ATP10A: variants seen among roughly 807,000 people sequenced by gnomAD.
The protein encoded by ATP10A is phospholipid-transporting ATPase VA.
Under a neutral mutation model 147.8 loss-of-function variants are expected in ATP10A, and 111 were observed. That is an observed-to-expected ratio of 0.75 (90% CI 0.64 to 0.88). ATP10A has a LOEUF of 0.88. Ranked by LOEUF, ATP10A falls within the 40% of genes least tolerant of loss-of-function variation. ATP10A has a pLI of 0.00. For synonymous variants in ATP10A, 875 were observed against 841.6 expected, an observed-to-expected ratio of 1.04 and a Z score of -0.69; for missense variants, 1,927 against 1,959.0, an observed-to-expected ratio of 0.98 and a Z score of 0.31.
At chr15:25,807,508 GA>G (rs1891243632) in intron 1 of ATP10A, among the ~76,000 whole-genome samples, 1 of 152,168 alleles carries the variant, frequency 6.6e-6, no homozygotes, top group Non-Finnish European at 1.5e-5. Flanking sequence ...ATTTTTAAAA[GA>G]AAAACACATG....
chr15:25,798,862 G>A lies in ATP10A; in HGVS notation c.450-17639C>T, dbSNP rs932088679. On this transcript the variant is annotated intron_variant, in intron 1 of 20. Transcript: ENST00000555815. ...CTCGGGAGGGCACCGTGCGCCTCCC[G>A]CATCCACCAGCCCGGTACAGGGATC... Among the ~76,000 whole-genome samples the A allele has an allele frequency of 7.2e-5, 11 of 152,220 alleles. No individual in the cohort carries two copies. In the East Asian group the frequency reaches 1.9e-3, roughly 27 times the overall value.
intron 2 of ATP10A, among the ~76,000 whole-genome samples, chr15:25,756,862 G>A (rs1432770713): frequency 1.3e-5 from 2 of 152,202 alleles, no homozygotes; most frequent in Non-Finnish European, 2.9e-5. Flanking sequence ...TTGCTTAGGT[G>A]CTGACTAACA....
intron 1 of ATP10A, among the ~76,000 whole-genome samples, chr15:25,826,053 C>G (rs1325294650): frequency 1.3e-5 from 2 of 152,040 alleles, no homozygotes; most frequent in Non-Finnish European, 2.9e-5. Context: ...TTGAAGATCT[C>G]AACAGCAGAT....
chr15:25,733,609 C>T lies in ATP10A; in HGVS notation c.740+2447G>A, dbSNP rs1005808892. On this transcript the variant is annotated intron_variant, in intron 3 of 20. Transcript: ENST00000555815. The stretch of plus-strand genomic sequence containing the variant: ...GGCTGGGAGAGGGGCCATCCAGGCC[C>T]TGACAGCCCTGTGGCAAGCCCAGAA... 2.6e-5 allele frequency among the ~76,000 whole-genome samples: 4 copies of T among 152,358 alleles called. No homozygotes were observed. The East Asian group carries it at 7.7e-4, about 30-fold the overall frequency.
chr15:25,857,661 G>C (rs35979841), intron 1 of ATP10A, among the ~76,000 whole-genome samples: 21,552 of 152,096 alleles, frequency 0.14, 1,589 homozygotes, highest in Middle Eastern at 0.18. Flanking sequence ...CTGGACAATG[G>C]TACATGGCAG....
intron 1 of ATP10A, among the ~76,000 whole-genome samples, chr15:25,785,848 C>G (rs374307010): frequency 6.6e-6 from 1 of 152,190 alleles, no homozygotes; most frequent in Non-Finnish European, 1.5e-5. Flanking sequence ...AATGGGGGCA[C>G]CACCCACCTC....
intron 17 of ATP10A, among the ~76,000 whole-genome samples, chr15:25,681,393 A>G (rs138995685): frequency 6.6e-6 from 1 of 152,266 alleles, no homozygotes; most frequent in East Asian, 1.9e-4. Context: ...CGATCATGAA[A>G]TTTTTTCCTT....
intron 1 of ATP10A, among the ~76,000 whole-genome samples, chr15:25,791,994 T>C (rs1048687347): frequency 2.0e-5 from 3 of 151,976 alleles, no homozygotes; most frequent in Non-Finnish European, 2.9e-5. Flanking sequence ...GAGTGCAGAG[T>C]ATTTTTTTTT....
chr15:25,779,219 G>A (rs956363118), intron 2 of ATP10A, among the ~76,000 whole-genome samples: 3 of 152,152 alleles, frequency 2.0e-5, no homozygotes, highest in South Asian at 4.1e-4. Context: ...ATCTATCTGC[G>A]GCGTTCCCCT....
chr15:25,859,420 G>GGCTGT (rs766463981), intron 1 of ATP10A, among the ~76,000 whole-genome samples: 2 of 152,166 alleles, frequency 1.3e-5, no homozygotes, highest in South Asian at 4.1e-4. Flanking sequence ...TCCCACCCGG[G>GGCTGT]GCTGTGGGAA....
In ATP10A at chr15:25,755,509, T is replaced by C. The variant is rs184198338; in HGVS notation, c.655-19368A>G. Among the ~76,000 whole-genome samples the C allele has an allele frequency of 8.1e-4, 124 of 152,350 alleles. 2 individuals are homozygous for C. The East Asian group carries it at 0.022, about 27-fold the overall frequency. The stretch of plus-strand genomic sequence containing the variant: ...CAACAACCCAGAACAGTTTTGGGAC[T>C]GCCCTGGAGCACTTTCTAATAGGTG... On this transcript the variant is annotated intron_variant, in intron 2 of 20. Transcript: ENST00000555815.
intron 1 of ATP10A, among the ~76,000 whole-genome samples, chr15:25,787,240 A>G (rs1484614445): frequency 6.6e-6 from 1 of 152,042 alleles, no homozygotes; most frequent in Non-Finnish European, 1.5e-5. Flanking sequence ...GTGCTAAGCA[A>G]AAAAGTTCTT....
chr15:25,739,081 A>G (rs985715264), intron 2 of ATP10A, among the ~76,000 whole-genome samples: 1 of 152,072 alleles, frequency 6.6e-6, no homozygotes, highest in African/African-American at 2.4e-5. Flanking sequence ...TTTATTTTTT[A>G]TTTTTGAGAC....
At chr15:25,790,922 C>T (rs775108034) in intron 1 of ATP10A, among the ~76,000 whole-genome samples, 5 of 152,176 alleles carry the variant, frequency 3.3e-5, no homozygotes, top group East Asian at 3.9e-4. Context: ...GGAAATGGGC[C>T]GGAGTTGTGC....
rs373236431 is a variant in ATP10A at position 25,815,816 on chromosome 15, G to A, written c.450-34593C>T. Reference sequence around the variant, plus strand: ...GCTAACTTTATTAAGCAACTAGCTCGCCTGCTTAGAATAACACATTTTTGC... The same window carrying A: ...GCTAACTTTATTAAGCAACTAGCTCACCTGCTTAGAATAACACATTTTTGC... On this transcript the variant is annotated intron_variant, in intron 1 of 20. Transcript: ENST00000555815. 3.9e-5 allele frequency among the ~76,000 whole-genome samples: 6 copies of A among 152,016 alleles called. No homozygotes were observed. In the East Asian group the frequency reaches 7.7e-4, roughly 20 times the overall value.
At chr15:25,749,960 G>A (rs1476728725) in intron 2 of ATP10A, among the ~76,000 whole-genome samples, 1 of 152,012 alleles carries the variant, frequency 6.6e-6, no homozygotes, top group Non-Finnish European at 1.5e-5. Context: ...TCAAAAGAGA[G>A]GATTGGTAAG....
chr15:25,755,354 A>G (rs890312429), intron 2 of ATP10A, among the ~76,000 whole-genome samples: 5 of 152,208 alleles, frequency 3.3e-5, no homozygotes, highest in Non-Finnish European at 7.3e-5. Flanking sequence ...TGAAAGGGGC[A>G]CACTGCTATT....
At chr15:25,802,128 T>A (rs1890966327) in intron 1 of ATP10A, among the ~76,000 whole-genome samples, 1 of 152,170 alleles carries the variant, frequency 6.6e-6, no homozygotes, top group African/African-American at 2.4e-5. Context: ...GGGCCAAAAC[T>A]CTATTTGGGA....
chr15:25,757,512 A>G (rs973124705), intron 2 of ATP10A, among the ~76,000 whole-genome samples: 6 of 152,182 alleles, frequency 3.9e-5, no homozygotes, highest in Non-Finnish European at 7.3e-5. Context: ...AATTCTATCT[A>G]ATTCAAAGGT....
Sources: gnomAD v4.1 joint callset for allele counts (sites outside exome capture counted in the v4.1 genomes callset) on GRCh38, gnomAD v4.1.1 for gene constraint, MANE v1.5 for transcripts, NCBI Gene and HGNC (gene_info 2026-07-23, HGNC 2026-07-21) for gene names.